PEAK1: variants seen among roughly 807,000 people sequenced by gnomAD.
The protein encoded by PEAK1 is inactive tyrosine-protein kinase PEAK1.
Under a neutral mutation model 124.7 loss-of-function variants are expected in PEAK1, and 54 were observed. The ratio of observed to expected loss-of-function variants is 0.43; its 90% CI spans 0.35 to 0.54. The LOEUF is 0.54. PEAK1 is among the 20% of genes least tolerant of loss of function. PEAK1 has a pLI of 0.01. For synonymous variants in PEAK1, 719 were observed against 760.0 expected, an observed-to-expected ratio of 0.95 and a Z score of 0.89; for missense variants, 2,046 against 2,134.5, an observed-to-expected ratio of 0.96 and a Z score of 0.82.
intron 5 of PEAK1, among the ~76,000 whole-genome samples, chr15:77,268,749 T>G (rs753475751): frequency 1.3e-5 from 2 of 152,024 alleles, no homozygotes; most frequent in Non-Finnish European, 2.9e-5. Context: ...GAAAGAATCT[T>G]AACAGCTGTG....
rs201704757 is a variant in PEAK1 at position 77,380,203 on chromosome 15, T to C, written c.-665-14978A>G. Among the ~76,000 whole-genome samples, 10 of 152,300 alleles carry C rather than the reference T, an allele frequency of 6.6e-5. No homozygotes were observed. The East Asian group carries it at 1.9e-3, about 29-fold the overall frequency. On this transcript the variant is annotated intron_variant, in intron 1 of 9. Coordinates refer to ENST00000682557, the MANE Select transcript of PEAK1 (RefSeq NM_001385026.1). ...ATACTGGCCTGGGAGCTAGAATCGGTCAATAGCATGACCTGCCCTGGTAAT... is the reference window on the plus strand; with the variant it reads ...ATACTGGCCTGGGAGCTAGAATCGGCCAATAGCATGACCTGCCCTGGTAAT...
At chr15:77,337,917 CAAT>C in intron 2 of PEAK1, 3 of 984,750 alleles carry the variant, frequency 3.0e-6, no homozygotes, top group Non-Finnish European at 3.6e-6. Context: ...CTAAATCTGT[CAAT>C]AATTTGGGGG....
At chr15:77,349,987 A>T in intron 2 of PEAK1, 1 of 985,072 alleles carries the variant, frequency 1.0e-6, no homozygotes, top group Non-Finnish European at 1.2e-6. Context: ...ATCAAGCATT[A>T]TAGGAAGATT....
At chr15:77,383,909 A>G (rs1420884391) in intron 1 of PEAK1, among the ~76,000 whole-genome samples, 1 of 152,238 alleles carries the variant, frequency 6.6e-6, no homozygotes, top group Non-Finnish European at 1.5e-5. Context: ...AGCTCTAAAA[A>G]TCAAACTACC....
At chr15:77,243,974 A>T (rs900982981) in intron 6 of PEAK1, among the ~76,000 whole-genome samples, 1 of 135,892 alleles carries the variant, frequency 7.4e-6, no homozygotes, top group Non-Finnish European at 1.6e-5. Context: ...TTCTCAAAAT[A>T]AAAAAAAAAA....
chr15:77,288,927 C>CA (rs34321536), intron 2 of PEAK1, among the ~76,000 whole-genome samples: 8,942 of 85,904 alleles, frequency 0.1, 444 homozygotes, highest in Non-Finnish European at 0.13. Flanking sequence ...GACTCCGTCT[C>CA]AAAAAAAAAA....
intron 2 of PEAK1, among the ~76,000 whole-genome samples, chr15:77,313,710 G>A (rs1245231180): frequency 9.3e-6 from 1 of 108,034 alleles, no homozygotes; most frequent in Admixed American, 9.9e-5. Flanking sequence ...ATATATGTAT[G>A]TGTGTGTGTG....
At chr15:77,295,653 A>G (rs1482167567) in intron 2 of PEAK1, among the ~76,000 whole-genome samples, 1 of 152,246 alleles carries the variant, frequency 6.6e-6, no homozygotes. Flanking sequence ...CCAACACAGT[A>G]TTACATAATG....
chr15:77,288,015 T>C (rs1032081811), intron 2 of PEAK1, among the ~76,000 whole-genome samples: 1 of 152,170 alleles, frequency 6.6e-6, no homozygotes, highest in Non-Finnish European at 1.5e-5. Flanking sequence ...ACCTAACTCA[T>C]CTCCCCATCT....
In PEAK1 at chr15:77,179,091, CTT is replaced by C. The variant is rs1346265240; in HGVS notation, c.2834_2835del (p.Lys945ArgfsTer38). 2 of 1,614,094 alleles carry C rather than the reference CTT, an allele frequency of 1.2e-6. No homozygotes were observed. The highest frequency in any genetic ancestry group is 1.7e-6 in the Non-Finnish European group (2 of 1,180,046). ...CCCACCAGTTTCCCTTTCTCTCGCTCTTTCTCTTTGTCATCCTCCTCATCTGT... is the reference window on the plus strand; with the variant it reads ...CCCACCAGTTTCCCTTTCTCTCGCTCTCTCTTTGTCATCCTCCTCATCTGT... ...RKTDEEDDKE[K>X]EREKGKLVGL... On this transcript the variant is annotated frameshift_variant, in exon 7 of 10. Coordinates refer to ENST00000682557, the MANE Select transcript of PEAK1 (RefSeq NM_001385026.1). LOFTEE classifies it high-confidence loss of function.
chr15:77,265,974 G>C (rs1271814983), intron 5 of PEAK1, among the ~76,000 whole-genome samples: 1 of 152,120 alleles, frequency 6.6e-6, no homozygotes, highest in Admixed American at 6.6e-5. Context: ...GATGAAATTG[G>C]AAATCATCAT....
intron 5 of PEAK1, among the ~76,000 whole-genome samples, chr15:77,266,831 G>C (rs1463803388): frequency 1.3e-5 from 2 of 152,158 alleles, no homozygotes; most frequent in Non-Finnish European, 2.9e-5. Context: ...ATAATCCACA[G>C]ACCCTTTGAA....
rs116824497 is a variant in PEAK1 at position 77,417,851 on chromosome 15, C to T, written c.-666+2155G>A. 1.6e-3 allele frequency: 1,625 copies of T among 985,374 alleles called. 21 individuals are homozygous for T. In the African/African-American group the frequency reaches 0.026, roughly 16 times the overall value. The allele number at this position is 985,374 out of a possible 1,614,324, so 61.0% of individuals were successfully genotyped here. ...CCAAAGCATGAATTTATAGCTGATG[C>T]TTATTTGGCAAATATGGTTGGCACT... On this transcript the variant is annotated intron_variant, in intron 1 of 9. Transcript: ENST00000682557.
chr15:77,139,244 G>C (rs1431226848), intron 8 of PEAK1, among the ~76,000 whole-genome samples: 5 of 152,180 alleles, frequency 3.3e-5, no homozygotes, highest in Non-Finnish European at 7.4e-5. Flanking sequence ...ACATGGAGCT[G>C]TCATCTCCTA....
At chr15:77,219,411 G>A (rs967759590) in intron 6 of PEAK1, among the ~76,000 whole-genome samples, 7 of 152,116 alleles carry the variant, frequency 4.6e-5, no homozygotes, top group Non-Finnish European at 8.8e-5. Context: ...GCAAATCAAT[G>A]TAAAATAATC....
chr15:77,257,104 A>T (rs2061191953), intron 5 of PEAK1, among the ~76,000 whole-genome samples: 1 of 152,010 alleles, frequency 6.6e-6, no homozygotes, highest in African/African-American at 2.4e-5. Flanking sequence ...TACGTGTCAC[A>T]TTTTCTTAAT....
chr15:77,298,305 G>A (rs1463849362), intron 2 of PEAK1, among the ~76,000 whole-genome samples: 8 of 127,302 alleles, frequency 6.3e-5, no homozygotes, highest in African/African-American at 1.8e-4. Flanking sequence ...TGCAAGCTCC[G>A]CCTCCCGGAT....
chr15:77,121,559 T>C (rs1352078247), intron 9 of PEAK1, among the ~76,000 whole-genome samples: 1 of 152,198 alleles, frequency 6.6e-6, no homozygotes, highest in Non-Finnish European at 1.5e-5. Context: ...CAGGCTGCCC[T>C]GGGGGCTTGC....
chr15:77,123,146 G>A (rs4886510), intron 9 of PEAK1, among the ~76,000 whole-genome samples: 8,938 of 152,232 alleles, frequency 0.059, 404 homozygotes, highest in Non-Finnish European at 0.09. Context: ...TGAGAACAAA[G>A]ACTGGGACTA....
Sources: allele counts gnomAD v4.1 joint callset (sites outside exome capture counted in the v4.1 genomes callset), GRCh38; gene constraint gnomAD v4.1.1; transcripts MANE v1.5; gene names NCBI Gene and HGNC (gene_info 2026-07-23, HGNC 2026-07-21).